The following CTNNA3 variants were observed in gnomAD, a reference collection of about 807,000 sequenced individuals.
CTNNA3 encodes the protein catenin alpha-3.
CTNNA3 carries 76 observed loss-of-function variants against 95.7 expected under a neutral mutation model. The observed-to-expected ratio is 0.79, with a 90% confidence interval of 0.66 to 0.96. The LOEUF (loss-of-function observed/expected upper bound fraction) is 0.96. Among genes scored for constraint, CTNNA3 ranks in the 40% least tolerant of loss-of-function variants. The pLI, the probability that CTNNA3 is intolerant of heterozygous loss-of-function variation, is 0.00. For synonymous variants in CTNNA3, 431 were observed against 374.4 expected, an observed-to-expected ratio of 1.15 and a Z score of -1.74; for missense variants, 1,191 against 1,089.8, an observed-to-expected ratio of 1.09 and a Z score of -1.31.
intron 6 of CTNNA3, among the ~76,000 whole-genome samples, chr10:67,208,821 T>A (rs551539767): frequency 0.048 from 7,336 of 152,230 alleles, 216 homozygotes; most frequent in South Asian, 0.11. Flanking sequence ...CTTATGAAAT[T>A]AATTAATCTA....
At chr10:66,416,593 C>T (rs1177717312) in intron 11 of CTNNA3, among the ~76,000 whole-genome samples, 3 of 151,420 alleles carry the variant, frequency 2.0e-5, no homozygotes, top group East Asian at 1.9e-4. Flanking sequence ...TATAAGAAAC[C>T]TCCATCAGAA....
chr10:66,964,173 A>T (rs1398150404), intron 7 of CTNNA3, among the ~76,000 whole-genome samples: 1 of 152,010 alleles, frequency 6.6e-6, no homozygotes, highest in African/African-American at 2.4e-5. Flanking sequence ...TGTCCACAGT[A>T]ACATCGTAGG....
At chr10:67,669,863 G>A (rs1392916714) in intron 1 of CTNNA3, among the ~76,000 whole-genome samples, 1 of 152,178 alleles carries the variant, frequency 6.6e-6, no homozygotes, top group Non-Finnish European at 1.5e-5. Context: ...TTGAATCCAT[G>A]CCATCAATGG....
chr10:66,548,171 C>G (rs957489007), intron 10 of CTNNA3, among the ~76,000 whole-genome samples: 1 of 152,116 alleles, frequency 6.6e-6, no homozygotes, highest in African/African-American at 2.4e-5. Context: ...TCCACCTCGG[C>G]CTCCCAAAGT....
intron 13 of CTNNA3, among the ~76,000 whole-genome samples, chr10:66,117,808 C>A (rs1163557200): frequency 6.6e-6 from 1 of 152,100 alleles, no homozygotes; most frequent in African/African-American, 2.4e-5. Context: ...TTATAGAATG[C>A]CAATATTATT....
intron 5 of CTNNA3, among the ~76,000 whole-genome samples, chr10:67,369,683 G>C (rs753618722): frequency 6.6e-6 from 1 of 152,130 alleles, no homozygotes; most frequent in African/African-American, 2.4e-5. Context: ...AATGGGTAAA[G>C]AATGTGAACA....
intron 12 of CTNNA3, among the ~76,000 whole-genome samples, chr10:66,332,862 T>A (rs2092347979): frequency 6.6e-6 from 1 of 152,092 alleles, no homozygotes; most frequent in African/African-American, 2.4e-5. Flanking sequence ...GGTCCTGGAC[T>A]TTTTTTGGTT....
intron 12 of CTNNA3, among the ~76,000 whole-genome samples, chr10:66,309,075 G>C (rs948979521): frequency 6.6e-6 from 1 of 152,082 alleles, no homozygotes; most frequent in Non-Finnish European, 1.5e-5. Context: ...TTTACCAACA[G>C]TAAAATGGCT....
At chr10:66,225,151 T>C (rs2089202735) in intron 13 of CTNNA3, among the ~76,000 whole-genome samples, 1 of 151,738 alleles carries the variant, frequency 6.6e-6, no homozygotes, top group African/African-American at 2.4e-5. Context: ...CTTTATTGCA[T>C]CTAGCTGTAA....
intron 5 of CTNNA3, among the ~76,000 whole-genome samples, chr10:67,295,890 T>C (rs940504285): frequency 2.0e-5 from 3 of 152,318 alleles, no homozygotes; most frequent in Admixed American, 6.5e-5. Context: ...CAAAATGCTA[T>C]GCAACAGGCT....
chr10:67,460,530 A>C (rs1564665256), intron 5 of CTNNA3, among the ~76,000 whole-genome samples: 1 of 152,184 alleles, frequency 6.6e-6, no homozygotes, highest in Non-Finnish European at 1.5e-5. Context: ...ATTATTTGAG[A>C]AGTTTTCAAG....
At chr10:67,495,992 T>C (rs1011578313) in intron 5 of CTNNA3, among the ~76,000 whole-genome samples, 3 of 152,206 alleles carry the variant, frequency 2.0e-5, no homozygotes, top group African/African-American at 7.2e-5. Flanking sequence ...CATAAATGAA[T>C]ATTCACATGC....
chr10:65,988,084 G>C (rs6480124), intron 16 of CTNNA3, among the ~76,000 whole-genome samples: 93,085 of 151,830 alleles, frequency 0.61, 29,206 homozygotes, highest in Non-Finnish European at 0.7. Flanking sequence ...CAAAAATACA[G>C]TTATATAGGA....
intron 7 of CTNNA3, among the ~76,000 whole-genome samples, chr10:66,990,378 C>T (rs1195744395): frequency 6.6e-6 from 1 of 152,190 alleles, no homozygotes. Context: ...TCCTTGTTTC[C>T]ATTTAAATAA....
chr10:66,772,524 G>A (rs1047638524), intron 8 of CTNNA3, among the ~76,000 whole-genome samples: 9 of 151,784 alleles, frequency 5.9e-5, no homozygotes, highest in Admixed American at 2.6e-4. Context: ...TGAAGGAAAA[G>A]GAACATTAAG....
intron 3 of CTNNA3, among the ~76,000 whole-genome samples, chr10:67,574,678 T>A (rs1198247461): frequency 6.6e-6 from 1 of 151,424 alleles, no homozygotes; most frequent in Non-Finnish European, 1.5e-5. Flanking sequence ...CCTCCTGGGT[T>A]CAAGCTATTC....
intron 14 of CTNNA3, among the ~76,000 whole-genome samples, chr10:66,097,440 G>A (rs2081442626): frequency 6.6e-6 from 1 of 151,938 alleles, no homozygotes; most frequent in Non-Finnish European, 1.5e-5. Flanking sequence ...ATATCTAATT[G>A]AATCTTCAAA....
At chr10:66,683,636 C>A (rs60409147) in intron 9 of CTNNA3, among the ~76,000 whole-genome samples, 2,020 of 108,536 alleles carry the variant, frequency 0.019, 81 homozygotes, top group East Asian at 0.17. Context: ...AAGTCATCAA[C>A]ATGGGAATGC....
chr10:67,585,096 C>A (rs527519306), intron 3 of CTNNA3, among the ~76,000 whole-genome samples: 2 of 152,334 alleles, frequency 1.3e-5, no homozygotes, highest in South Asian at 4.1e-4. Context: ...GTGAGACGAA[C>A]CTGGTACCTC....
Sources: allele counts gnomAD v4.1 joint callset (sites outside exome capture counted in the v4.1 genomes callset), GRCh38; gene constraint gnomAD v4.1.1; transcripts MANE v1.5; gene names NCBI Gene and HGNC (gene_info 2026-07-23, HGNC 2026-07-21).